Variants in DENND1B observed in about 807,000 individuals in gnomAD.
DENND1B encodes DENN domain containing 1B, also known as DENN domain-containing protein 1B.
Under a neutral mutation model 90.1 loss-of-function variants are expected in DENND1B, and 59 were observed. That is an observed-to-expected ratio of 0.65 (90% CI 0.53 to 0.81). The LOEUF (loss-of-function observed/expected upper bound fraction) is 0.81. Among genes scored for constraint, DENND1B ranks in the 40% least tolerant of loss-of-function variants. The probability of loss-of-function intolerance (pLI) is 0.00; values close to 1 mark genes in which losing one functional copy is unlikely to be tolerated. For missense variants in DENND1B, 862 were observed against 912.6 expected (o/e 0.94, Z 0.71); for synonymous variants, 337 against 324.6 (o/e 1.04, Z -0.41).
At chr1:197,775,782 T>A (rs562977121), upstream of DENND1B, 9 of 152,458 alleles carry the variant, frequency 5.9e-5, no homozygotes, top group East Asian at 1.5e-3. Context: ...AAGGGCGAAG[T>A]ACCTGGAAAA....
intron 15 of DENND1B, among the ~76,000 whole-genome samples, chr1:197,582,805 AGTTT>A (rs67243235): frequency 0.38 from 58,016 of 151,708 alleles, 13,607 homozygotes; most frequent in East Asian, 0.65. Context: ...ATCAAAATAC[AGTTT>A]GTTAGTTTAC....
At chr1:197,719,006 C>T (rs921734538) in intron 2 of DENND1B, among the ~76,000 whole-genome samples, 1 of 151,978 alleles carries the variant, frequency 6.6e-6, no homozygotes, top group South Asian at 2.1e-4. Context: ...AAAAGAAATC[C>T]TCAAACAAAT....
intron 3 of DENND1B, among the ~76,000 whole-genome samples, chr1:197,677,734 G>C (rs1656242370): frequency 6.6e-6 from 1 of 152,174 alleles, no homozygotes; most frequent in South Asian, 2.1e-4. Flanking sequence ...AGGACTAGGA[G>C]TAACTACATC....
intron 14 of DENND1B, 94 bp downstream of exon 14, chr1:197,595,114 A>C: frequency 7.3e-7 from 1 of 1,378,588 alleles, no homozygotes; most frequent in East Asian, 2.5e-5. Context: ...TATTTTTTGA[A>C]GGTGTAATAT....
intron 15 of DENND1B, among the ~76,000 whole-genome samples, chr1:197,564,898 C>T (rs1363154386): frequency 6.6e-6 from 1 of 151,928 alleles, no homozygotes; most frequent in Non-Finnish European, 1.5e-5. Flanking sequence ...AATCAGTTAA[C>T]AAGAGATGCT....
chr1:197,766,391 A>C (rs932257580), intron 2 of DENND1B, among the ~76,000 whole-genome samples: 1 of 152,218 alleles, frequency 6.6e-6, no homozygotes, highest in African/African-American at 2.4e-5. Flanking sequence ...GACTTTTTCC[A>C]TGTTGGACAA....
chr1:197,511,830 A>G lies in DENND1B; in HGVS notation c.1713T>C (p.Ile571=). 6.2e-7 allele frequency: 1 copy of G among 1,611,460 alleles called. No individual in the cohort carries two copies. The highest frequency in any genetic ancestry group is 8.5e-7 in the Non-Finnish European group (1 of 1,178,304). The change falls in exon 22 of 23, where the codon ATT becomes ATC. Residue 571 remains isoleucine, a synonymous_variant. Coordinates refer to ENST00000620048, the MANE Select transcript of DENND1B (RefSeq NM_001195215.2). ...AGCTGTGTGTGCTCAATGTATCAAG[A>G]ATCTCTCCTAGTAAGTCCATTTCAC... ...YSGEMDLLGE[I]LDTLSTHSSD... is the part of the protein sequence containing the mutation.
intron 3 of DENND1B, among the ~76,000 whole-genome samples, chr1:197,693,238 A>G (rs1658087422): frequency 6.6e-6 from 1 of 151,700 alleles, no homozygotes; most frequent in South Asian, 2.1e-4. Flanking sequence ...ATTCACCAAG[A>G]TAAGCTGCAA....
intron 10 of DENND1B, among the ~76,000 whole-genome samples, chr1:197,630,764 T>G (rs1289098944): frequency 2.0e-5 from 3 of 152,104 alleles, no homozygotes; most frequent in Non-Finnish European, 2.9e-5. Flanking sequence ...GAGGCAAAGT[T>G]AAGTCAATTG....
At chr1:197,736,089 C>T (rs1662655652) in intron 2 of DENND1B, 2 of 775,184 alleles carry the variant, frequency 2.6e-6, no homozygotes, top group Admixed American at 2.1e-5. Context: ...TTTCAGTTCT[C>T]GAGTTGGTGG....
intron 18 of DENND1B, among the ~76,000 whole-genome samples, chr1:197,544,166 T>C (rs2125663391): frequency 6.6e-6 from 1 of 152,272 alleles, no homozygotes; most frequent in Non-Finnish European, 1.5e-5. Flanking sequence ...TATAAACATT[T>C]TTGTGTAGGG....
chr1:197,685,095 G>A (rs1403965422), intron 3 of DENND1B, among the ~76,000 whole-genome samples: 1 of 152,150 alleles, frequency 6.6e-6, no homozygotes, highest in Non-Finnish European at 1.5e-5. Context: ...TTTAACCTGG[G>A]TGACAGTGTG....
At chr1:197,596,986 AAT>A (rs1240195975) in intron 13 of DENND1B, among the ~76,000 whole-genome samples, 1 of 151,886 alleles carries the variant, frequency 6.6e-6, no homozygotes, top group Non-Finnish European at 1.5e-5. Context: ...TTATGTTCAT[AAT>A]CTATGCAGAA....
At chr1:197,717,820 A>G (rs758947313) in intron 2 of DENND1B, among the ~76,000 whole-genome samples, 7 of 151,998 alleles carry the variant, frequency 4.6e-5, no homozygotes, top group Non-Finnish European at 1.0e-4. Context: ...ACTACACTAC[A>G]AAAAGAGTAT....
intron 15 of DENND1B, among the ~76,000 whole-genome samples, chr1:197,567,298 T>A (rs370942566): frequency 3.3e-5 from 5 of 152,014 alleles, no homozygotes; most frequent in South Asian, 2.1e-4. Flanking sequence ...ATACAACCTA[T>A]CAAAACTGAA....
chr1:197,611,840 T>C, intron 12 of DENND1B, 91 bp downstream of exon 12: 4 of 1,105,892 alleles, frequency 3.6e-6, no homozygotes, highest in African/African-American at 1.6e-5. Context: ...TTCTTTGTCC[T>C]ATACCACTGA....
In DENND1B at chr1:197,609,824, GA is replaced by G. The variant is rs1173000212; in HGVS notation, c.819+2106del. Among the ~76,000 whole-genome samples, 3 of 150,538 alleles carry G rather than the reference GA, an allele frequency of 2.0e-5. No homozygotes were observed. The East Asian group carries it at 5.9e-4, about 29-fold the overall frequency. ...GAAAATATTTTAATTATTCCTTAAA[GA>G]AAAAATTGGTTGTAATTGCCAGGCA... On this transcript the variant is annotated intron_variant, in intron 12 of 22. Coordinates refer to ENST00000620048, the MANE Select transcript of DENND1B (RefSeq NM_001195215.2).
intron 13 of DENND1B, chr1:197,606,776 A>G (rs1262163673): frequency 1.4e-5 from 3 of 221,558 alleles, no homozygotes; most frequent in Non-Finnish European, 2.6e-5. Context: ...CTACTTTGTA[A>G]TATAATGATT....
At chr1:197,707,966 C>T (rs1419956248) in intron 3 of DENND1B, among the ~76,000 whole-genome samples, 3 of 152,050 alleles carry the variant, frequency 2.0e-5, no homozygotes, top group South Asian at 2.1e-4. Context: ...AAAGGGGTGA[C>T]GGCCGCACCC....
Sources: allele counts gnomAD v4.1 joint callset (sites outside exome capture counted in the v4.1 genomes callset), GRCh38; gene constraint gnomAD v4.1.1; transcripts MANE v1.5; gene names NCBI Gene and HGNC (gene_info 2026-07-23, HGNC 2026-07-21).